Variants in BMERB1 observed in about 807,000 individuals in gnomAD.
BMERB1 encodes bMERB domain containing 1.
Under a neutral mutation model 23.6 loss-of-function variants are expected in BMERB1, and 12 were observed. That is an observed-to-expected ratio of 0.51 (90% confidence interval 0.33 to 0.82). The LOEUF (loss-of-function observed/expected upper bound fraction) is 0.82. Ranked by LOEUF, BMERB1 falls within the 40% of genes least tolerant of loss-of-function variation. The pLI is 0.03. For missense variants in BMERB1, 247 were observed against 255.4 expected (o/e 0.97, Z 0.22); for synonymous variants, 122 against 96.6 (o/e 1.26, Z -1.54).
intron 1 of BMERB1, chr16:15,502,226 G>T (rs952350537): frequency 2.7e-6 from 4 of 1,463,730 alleles, no homozygotes; most frequent in Non-Finnish European, 3.7e-6. Context: ...ACAGAAACTC[G>T]CAGAAGTTAA....
intron 1 of BMERB1, among the ~76,000 whole-genome samples, chr16:15,460,551 A>G (rs1406765284): frequency 6.6e-6 from 1 of 152,124 alleles, no homozygotes. Flanking sequence ...AATTTTTTTA[A>G]TTCATTTGTG....
In BMERB1 at chr16:15,468,252, C is replaced by T. The variant is rs530066416; in HGVS notation, c.106+33493C>T. ...ACTTTGTCTCCAGGGCTCAAGTGAT[C>T]CTCCCACCTCAACCTTCCAAGTAAC... is the stretch of plus-strand genomic sequence containing the variant. On this transcript the variant is annotated intron_variant, in intron 1 of 5. Transcript: ENST00000300006. Among the ~76,000 whole-genome samples, 33 of 143,282 alleles carry T rather than the reference C, an allele frequency of 2.3e-4. No individual in the cohort carries two copies. In the South Asian group the frequency reaches 7.4e-3, roughly 32 times the overall value. The allele number at this position is 143,282 out of a possible 152,430, so 94.0% of individuals were successfully genotyped here.
intron 1 of BMERB1, among the ~76,000 whole-genome samples, chr16:15,464,039 A>T (rs1033451322): frequency 5.9e-5 from 9 of 152,138 alleles, no homozygotes; most frequent in African/African-American, 1.9e-4. Flanking sequence ...AAGGCCGCGC[A>T]CAGTGGCTCA....
At chr16:15,549,430 C>A (rs897710258) in intron 2 of BMERB1, among the ~76,000 whole-genome samples, 1 of 151,932 alleles carries the variant, frequency 6.6e-6, no homozygotes, top group Non-Finnish European at 1.5e-5. Context: ...CCTGTAATCC[C>A]AGCACTTTGG....
chr16:15,579,344 C>T lies in BMERB1; in HGVS notation c.305-1873C>T, dbSNP rs191631979. Among the ~76,000 whole-genome samples the T allele has an allele frequency of 2.7e-3, 408 of 152,190 alleles. 2 individuals carry two copies. The highest frequency in any genetic ancestry group is 5.0e-3 in the Non-Finnish European group (338 of 68,016). The stretch of plus-strand genomic sequence containing the variant: ...CAGACCCAACCCACAAGATTTACCA[C>T]GGCAGGAGCAGTGACACCATCATCC... On this transcript the variant is annotated intron_variant, in intron 3 of 5. Coordinates refer to ENST00000300006, the MANE Select transcript of BMERB1 (RefSeq NM_033201.3).
chr16:15,492,178 G>A (rs2051427273), intron 1 of BMERB1, among the ~76,000 whole-genome samples: 1 of 152,148 alleles, frequency 6.6e-6, no homozygotes, highest in South Asian at 2.1e-4. Flanking sequence ...CTGCACCATT[G>A]CCTAGCTTTT....
chr16:15,555,212 A>G (rs551120796), intron 2 of BMERB1, among the ~76,000 whole-genome samples: 29 of 152,030 alleles, frequency 1.9e-4, no homozygotes, highest in Non-Finnish European at 3.1e-4. Context: ...GGTAGCTGGA[A>G]CCACAGGTAC....
chr16:15,510,958 T>G (rs1158784011), intron 1 of BMERB1, among the ~76,000 whole-genome samples: 4 of 152,238 alleles, frequency 2.6e-5, no homozygotes, highest in East Asian at 3.9e-4. Flanking sequence ...CGCTTCGGCC[T>G]CTCAAAGTGC....
intron 1 of BMERB1, among the ~76,000 whole-genome samples, chr16:15,489,346 C>A (rs1282325601): frequency 1.3e-5 from 2 of 152,140 alleles, no homozygotes; most frequent in African/African-American, 4.8e-5. Flanking sequence ...ATGCTCTGAA[C>A]AAAATGTATA....
At chr16:15,511,598 G>A (rs181862901) in intron 1 of BMERB1, among the ~76,000 whole-genome samples, 53 of 152,308 alleles carry the variant, frequency 3.5e-4, no homozygotes, top group African/African-American at 1.2e-3. Context: ...GCTCTGAGAT[G>A]CTGAACTCAA....
chr16:15,557,279 A>C (rs769988501), intron 2 of BMERB1, among the ~76,000 whole-genome samples: 1 of 152,182 alleles, frequency 6.6e-6, no homozygotes, highest in Non-Finnish European at 1.5e-5. Flanking sequence ...CTCTGGAACG[A>C]GCCGGCAGCA....
chr16:15,447,860 C>CAAGGGATGGAGGGAAAG (rs954808741), intron 1 of BMERB1: 2 of 455,848 alleles, frequency 4.4e-6, no homozygotes, highest in African/African-American at 4.0e-5. Context: ...CATTGGAGGA[C>CAAGGGATGGAGGGAAAG]AAGGGATGGA....
chr16:15,487,914 C>T (rs750775254), intron 1 of BMERB1, among the ~76,000 whole-genome samples: 7 of 152,294 alleles, frequency 4.6e-5, no homozygotes, highest in African/African-American at 7.2e-5. Flanking sequence ...AGATCATGTG[C>T]GTTGCCCTCT....
At chr16:15,571,359 CTTT>C (rs58521843) in intron 3 of BMERB1, among the ~76,000 whole-genome samples, 4 of 142,748 alleles carry the variant, frequency 2.8e-5, no homozygotes, top group Non-Finnish European at 1.5e-5. Flanking sequence ...CAAAAACCTA[CTTT>C]TTTTTTTTTT....
At chr16:15,569,583 C>T (rs1224891421) in intron 3 of BMERB1, among the ~76,000 whole-genome samples, 8 of 152,148 alleles carry the variant, frequency 5.3e-5, no homozygotes, top group East Asian at 3.9e-4. Context: ...GAGATTTGGG[C>T]GGGGACACAC....
intron 1 of BMERB1, among the ~76,000 whole-genome samples, chr16:15,487,879 T>C (rs1054826885): frequency 1.3e-5 from 2 of 152,182 alleles, no homozygotes; most frequent in African/African-American, 4.8e-5. Flanking sequence ...ATAATTAGTG[T>C]GGAATGAGTA....
chr16:15,581,770 C>T (rs2031020371), intron 4 of BMERB1, among the ~76,000 whole-genome samples: 1 of 152,184 alleles, frequency 6.6e-6, no homozygotes, highest in South Asian at 2.1e-4. Context: ...ATGCCCTTTT[C>T]TAAGTATCAG....
intron 1 of BMERB1, among the ~76,000 whole-genome samples, chr16:15,515,060 C>T (rs1206766620): frequency 6.6e-6 from 1 of 152,130 alleles, no homozygotes; most frequent in Non-Finnish European, 1.5e-5. Context: ...CCAGCCTGGG[C>T]GACAGAGCCA....
chr16:15,575,909 A>T (rs902530267), intron 3 of BMERB1, among the ~76,000 whole-genome samples: 2 of 152,048 alleles, frequency 1.3e-5, no homozygotes, highest in African/African-American at 4.8e-5. Flanking sequence ...AGTAGCCTCC[A>T]GTCCTTTTGT....
Sources: allele counts gnomAD v4.1 joint callset (sites outside exome capture counted in the v4.1 genomes callset), GRCh38; gene constraint gnomAD v4.1.1; transcripts MANE v1.5; gene names NCBI Gene and HGNC (gene_info 2026-07-23, HGNC 2026-07-21).